The following NAMPT variants were observed in gnomAD, a reference collection of about 807,000 sequenced individuals.
The protein encoded by NAMPT is NAmPRTase.
In NAMPT, 7 loss-of-function variants were observed where a neutral mutation model predicts 58.7. The ratio of observed to expected loss-of-function variants is 0.12; its 90% CI spans 0.07 to 0.22. The LOEUF (loss-of-function observed/expected upper bound fraction) is 0.22. NAMPT is among the 10% of genes least tolerant of loss of function. The pLI is 1.00. For missense variants in NAMPT, 271 were observed against 567.9 expected, an observed-to-expected ratio of 0.48 and a Z score of 5.31; for synonymous variants, 145 against 198.1, an observed-to-expected ratio of 0.73 and a Z score of 2.25.
intron 6 of NAMPT, among the ~76,000 whole-genome samples, chr7:106,266,008 T>C (rs534178375): frequency 4.6e-5 from 7 of 152,354 alleles, no homozygotes; most frequent in South Asian, 4.1e-4. Context: ...CCTTGTCATG[T>C]TGGAGATGTA....
In NAMPT at chr7:106,267,840, CAAAAAAAAAAAAAAAAAAAAAAAAAAAA is replaced by C. The variant is rs769070307; in HGVS notation, c.743+596_743+623del. On this transcript the variant is annotated intron_variant, in intron 6 of 10. Transcript: ENST00000222553. ...TGGGCGACAGAGCGAGACTCCGTCTCAAAAAAAAAAAAAAAAAAAAAAAAAAAAAAAAAAAACAACCTGATTTACTTTT... is the reference window on the plus strand; with the variant it reads ...TGGGCGACAGAGCGAGACTCCGTCTCAAAAAAAACAACCTGATTTACTTTT... Among the ~76,000 whole-genome samples, 6 of 33,178 alleles carry C rather than the reference CAAAAAAAAAAAAAAAAAAAAAAAAAAAA, an allele frequency of 1.8e-4. No individual in the cohort carries two copies. The East Asian group carries it at 5.8e-3, about 32-fold the overall frequency. The allele number at this position is 33,178 out of a possible 152,430, so 21.8% of individuals were successfully genotyped here.
intron 6 of NAMPT, among the ~76,000 whole-genome samples, chr7:106,265,345 T>A (rs1032292501): frequency 6.6e-5 from 10 of 152,140 alleles, no homozygotes; most frequent in African/African-American, 1.9e-4. Flanking sequence ...TTACTTGCTT[T>A]CTCCATGACA....
Position 106,249,739 on chromosome 7 carries a change from A to G in NAMPT, c.*1344T>C, listed in dbSNP as rs748301228. ...ATAGACAATCTGCATTTATAAAAAGAAGTCCAAATTTGGCCTTTGGGCTAT... is the reference window on the plus strand; with the variant it reads ...ATAGACAATCTGCATTTATAAAAAGGAGTCCAAATTTGGCCTTTGGGCTAT... On this transcript the variant is annotated 3_prime_UTR_variant, in exon 11 of 11. Transcript: ENST00000222553. The G allele has an allele frequency of 1.2e-4, 19 of 152,082 alleles. No individual in the cohort carries two copies. The highest frequency in any genetic ancestry group is 1.8e-4 in the Non-Finnish European group (12 of 67,966). The allele number at this position is 152,082 out of a possible 1,614,324, so 9.4% of individuals were successfully genotyped here.
chr7:106,258,953 T>C (rs1373502133), intron 8 of NAMPT, among the ~76,000 whole-genome samples: 4 of 152,204 alleles, frequency 2.6e-5, no homozygotes, highest in Non-Finnish European at 4.4e-5. Flanking sequence ...GCGATGCTGT[T>C]TGGTACGATA....
intron 8 of NAMPT, among the ~76,000 whole-genome samples, chr7:106,257,976 G>A (rs560558779): frequency 1.1e-4 from 17 of 152,364 alleles, no homozygotes; most frequent in African/African-American, 3.8e-4. Context: ...TGACACCAAG[G>A]TAAGAGACTG....
At chr7:106,272,375 T>A (rs1792552990) in intron 4 of NAMPT, 155 bp downstream of exon 4, 2 of 586,586 alleles carry the variant, frequency 3.4e-6, no homozygotes, top group African/African-American at 3.8e-5. Flanking sequence ...GATTATTTAG[T>A]CTGTCATTTT....
intron 6 of NAMPT, among the ~76,000 whole-genome samples, chr7:106,267,721 G>T (rs1348037921): frequency 1.4e-5 from 2 of 147,912 alleles, no homozygotes; most frequent in Non-Finnish European, 3.0e-5. Flanking sequence ...GGCGCCTGTA[G>T]TCCCAGCTAC....
At chr7:106,257,578 C>T (rs1317084851) in intron 8 of NAMPT, among the ~76,000 whole-genome samples, 1 of 151,064 alleles carries the variant, frequency 6.6e-6, no homozygotes, top group Admixed American at 6.6e-5. Context: ...CTGCAGTGAG[C>T]TGTGACTGCA....
intron 1 of NAMPT, among the ~76,000 whole-genome samples, chr7:106,278,230 A>C (rs1166803174): frequency 2.0e-5 from 3 of 151,556 alleles, no homozygotes; most frequent in Non-Finnish European, 2.9e-5. Flanking sequence ...AAGAATCTTC[A>C]TAGCTTAGTA....
At chr7:106,282,216 C>A (rs142148412) in intron 1 of NAMPT, among the ~76,000 whole-genome samples, 1,935 of 150,706 alleles carry the variant, frequency 0.013, 145 homozygotes, top group Admixed American at 0.12. Flanking sequence ...GCAAAATTTT[C>A]TTTTTTTTTG....
chr7:106,268,333 G>T, intron 6 of NAMPT, 131 bp downstream of exon 6: 1 of 778,670 alleles, frequency 1.3e-6, no homozygotes, highest in Non-Finnish European at 2.1e-6. Flanking sequence ...TATAAATACT[G>T]AATTTGTGTT....
At chr7:106,279,081 C>T (rs1792706080) in intron 1 of NAMPT, among the ~76,000 whole-genome samples, 2 of 152,144 alleles carry the variant, frequency 1.3e-5, no homozygotes, top group African/African-American at 4.8e-5. Flanking sequence ...GTTCTTTGTA[C>T]AAATACAGCT....
At chr7:106,269,093 A>G (rs563380269) in intron 5 of NAMPT, 61 bp downstream of exon 5, 1 of 1,478,320 alleles carries the variant, frequency 6.8e-7, no homozygotes, top group East Asian at 2.3e-5. Flanking sequence ...CCAAAAGTTT[A>G]CAGTGGTACT....
At position 106,263,216 on chromosome 7, in the gene NAMPT, C is replaced by T. The variant is rs541828722; in HGVS notation, c.969+176G>A. ...ACAATCCATAAGTCTTGGTATCCTTCTGTGCTATTACTGTGTGACCTCAGG... is the reference window on the plus strand; with the variant it reads ...ACAATCCATAAGTCTTGGTATCCTTTTGTGCTATTACTGTGTGACCTCAGG... On this transcript the variant is annotated intron_variant, in intron 7 of 10. Transcript: ENST00000222553. The T allele has an allele frequency of 5.8e-5, 34 of 583,694 alleles. No homozygotes were observed. The South Asian group carries it at 7.6e-4, about 13-fold the overall frequency. 36.2% of individuals were successfully genotyped at this position (583,694 alleles called of 1,614,324 possible).
At chr7:106,261,758 T>C (rs753463913) in intron 7 of NAMPT, 51 bp from the exon 8 acceptor site, 1 of 1,532,376 alleles carries the variant, frequency 6.5e-7, no homozygotes, top group Non-Finnish European at 8.9e-7. Context: ...TGAAAACAAG[T>C]ATAAGAGCTT....
chr7:106,271,956 T>A (rs1024704650), intron 4 of NAMPT: 1 of 212,334 alleles, frequency 4.7e-6, no homozygotes, highest in Non-Finnish European at 1.1e-5. Flanking sequence ...TACTTAGGTA[T>A]ACATACAAGA....
Position 106,251,045 on chromosome 7 carries a change from T to C in NAMPT, c.*38A>G. The C allele has an allele frequency of 1.4e-6, 2 of 1,381,024 alleles. No homozygotes were observed. The highest frequency in any genetic ancestry group is 2.1e-6 in the Non-Finnish European group (2 of 968,856). 85.5% of individuals were successfully genotyped at this position (1,381,024 alleles called of 1,614,324 possible). Reference sequence around the variant, plus strand: ...CCACACATCTGTACAATAAACATTATGTATTACATACACACAACACACACC... The same window carrying C: ...CCACACATCTGTACAATAAACATTACGTATTACATACACACAACACACACC... On this transcript the variant is annotated 3_prime_UTR_variant, in exon 11 of 11. Transcript: ENST00000222553.
At chr7:106,279,644 A>G (rs939802921) in intron 1 of NAMPT, among the ~76,000 whole-genome samples, 3 of 152,248 alleles carry the variant, frequency 2.0e-5, no homozygotes, top group Admixed American at 1.3e-4. Flanking sequence ...TATTTTATAA[A>G]TACTTCATTC....
chr7:106,280,290 C>T (rs1213035540), intron 1 of NAMPT, among the ~76,000 whole-genome samples: 3 of 152,074 alleles, frequency 2.0e-5, no homozygotes, highest in Non-Finnish European at 4.4e-5. Flanking sequence ...TAATACCTCC[C>T]ACATTTTTGG....
Sources: gnomAD v4.1 joint callset for allele counts (sites outside exome capture counted in the v4.1 genomes callset) on GRCh38, gnomAD v4.1.1 for gene constraint, MANE v1.5 for transcripts, NCBI Gene and HGNC (gene_info 2026-07-23, HGNC 2026-07-21) for gene names.